The following MROH2B variants were observed in gnomAD, a reference collection of about 807,000 sequenced individuals.
MROH2B encodes maestro heat like repeat family member 2B.
Under a neutral mutation model 208.6 loss-of-function variants are expected in MROH2B, and 177 were observed. That is an observed-to-expected ratio of 0.85 (90% confidence interval 0.75 to 0.96). The LOEUF (loss-of-function observed/expected upper bound fraction) is 0.96, where lower values mean the gene tolerates loss of function less well. Ranked by LOEUF, MROH2B falls within the 40% of genes least tolerant of loss-of-function variation. The pLI, the probability that MROH2B is intolerant of heterozygous loss-of-function variation, is 0.00. For missense variants in MROH2B, 2,002 were observed against 1,878.7 expected, an observed-to-expected ratio of 1.07 and a Z score of -1.21; for synonymous variants, 728 against 659.0, an observed-to-expected ratio of 1.10 and a Z score of -1.60.
Position 41,055,772 on chromosome 5 carries a change from T to A in MROH2B, c.1003A>T (p.Thr335Ser), listed in dbSNP as rs763656817. Residue 335 changes from threonine to serine, a missense_variant, in exon 10 of 42, where the codon ACT (threonine) becomes TCT (serine). Transcript: ENST00000399564. ...NNEAIRVGIL[T>S]LLRLAVNADE... ...GCATTGACAGCCAATCTTAACAAAG[T>A]CAAGATTCCCACTCGAATGGCTTCA... 2 of 1,613,800 alleles carry A rather than the reference T, an allele frequency of 1.2e-6. No individual in the cohort carries two copies. The highest frequency in any genetic ancestry group is 3.3e-5 in the Admixed American group (2 of 60,028).
chr5:41,062,385 G>A (rs1236666715), intron 5 of MROH2B, among the ~76,000 whole-genome samples: 1 of 152,164 alleles, frequency 6.6e-6, no homozygotes, highest in African/African-American at 2.4e-5. Context: ...GGGGCTTCTG[G>A]GCTCTGACAA....
intron 18 of MROH2B, among the ~76,000 whole-genome samples, chr5:41,043,524 TTA>T (rs1743017649): frequency 6.6e-6 from 1 of 152,224 alleles, no homozygotes; most frequent in African/African-American, 2.4e-5. Flanking sequence ...AATGTTAGTC[TTA>T]GTGCCTCCCA....
At position 41,023,827 on chromosome 5, in the gene MROH2B, C is replaced by T. The variant is rs551216485; in HGVS notation, c.2442-4809G>A. Among the ~76,000 whole-genome samples, 14 of 152,290 alleles carry T rather than the reference C, an allele frequency of 9.2e-5. No individual in the cohort carries two copies. In the South Asian group the frequency reaches 1.4e-3, roughly 16 times the overall value. ...AAAGGGAAGCCCATCAGACTAACAG[C>T]GGATCTCTCCACAGAAACTCTACAA... On this transcript the variant is annotated intron_variant, in intron 24 of 41. Transcript: ENST00000399564.
intron 6 of MROH2B, among the ~76,000 whole-genome samples, chr5:41,058,771 G>C (rs1032144589): frequency 6.6e-6 from 1 of 152,016 alleles, no homozygotes; most frequent in Non-Finnish European, 1.5e-5. Flanking sequence ...CTTCAAGCTG[G>C]CAGGATGGCT....
chr5:41,041,563 G>A (rs1415777364), intron 19 of MROH2B, among the ~76,000 whole-genome samples: 1 of 152,180 alleles, frequency 6.6e-6, no homozygotes, highest in East Asian at 1.9e-4. Context: ...GGCAGAGTTT[G>A]CAGTGAACCA....
chr5:41,043,228 G>A (rs1743009167), intron 18 of MROH2B, among the ~76,000 whole-genome samples: 1 of 152,186 alleles, frequency 6.6e-6, no homozygotes, highest in Admixed American at 6.5e-5. Flanking sequence ...AAAAAGAGGT[G>A]GAGCAGTTGC....
chr5:41,068,204 AT>A (rs1743870988), intron 2 of MROH2B, among the ~76,000 whole-genome samples: 1 of 152,172 alleles, frequency 6.6e-6, no homozygotes, highest in African/African-American at 2.4e-5. Context: ...CATCCTTTGC[AT>A]TACTCCTCAG....
chr5:41,005,413 A>AGCACCT lies in MROH2B; in HGVS notation c.3864+117_3864+118insAGGTGC, dbSNP rs35848875. On this transcript the variant is annotated intron_variant, in intron 35 of 41. Transcript: ENST00000399564. Reference sequence around the variant, plus strand: ...CAGTAGCTGGTCTCTCCTCTATGAAACCCCCCCCCCCCTTGAAGTCTCTCT... The same window carrying AGCACCT: ...CAGTAGCTGGTCTCTCCTCTATGAAAGCACCTCCCCCCCCCCCCTTGAAGTCTCTCT... 1.5e-5 allele frequency: 3 copies of AGCACCT among 204,604 alleles called. 1 individual carries two copies. Among genetic ancestry groups the AGCACCT allele is most frequent in the Non-Finnish European group, 3.0e-5 (3 of 101,540 alleles). The allele number at this position is 204,604 out of a possible 1,614,324, so 12.7% of individuals were successfully genotyped here. A position where few individuals can be genotyped will look rare whatever the true frequency, so the allele number is the denominator to read the frequency against.
At position 41,047,738 on chromosome 5, in the gene MROH2B, C is replaced by A; in HGVS notation, c.1711G>T (p.Glu571Ter). 6.3e-7 allele frequency: 1 copy of A among 1,595,482 alleles called. No homozygotes were observed. Among genetic ancestry groups the A allele is most frequent in the Non-Finnish European group, 8.5e-7 (1 of 1,170,140 alleles). The change falls in exon 17 of 42, where the codon GAA (glutamate) becomes TAA (stop). Residue 571 changes from glutamate (E) to a stop codon, truncating the protein, a stop_gained. Transcript: ENST00000399564. LOFTEE classifies it high-confidence loss of function. Reference sequence around the variant, plus strand: ...AGCCTTACCTGAAGCAGCATGGTTTCCCATAGAACGGTACTGATGTTCTTT... The same window carrying A: ...AGCCTTACCTGAAGCAGCATGGTTTACCATAGAACGGTACTGATGTTCTTT... ...EGKNISTVLW[E>*]TMLLQLLKES...
chr5:41,012,385 G>C (rs1243690240), intron 30 of MROH2B, among the ~76,000 whole-genome samples, 198 bp downstream of exon 30: 1 of 152,196 alleles, frequency 6.6e-6, no homozygotes, highest in Non-Finnish European at 1.5e-5. Flanking sequence ...TATATTAAAA[G>C]ACAAGAGAGG....
intron 3 of MROH2B, among the ~76,000 whole-genome samples, chr5:41,065,908 G>A (rs1028876029): frequency 2.0e-5 from 3 of 152,176 alleles, no homozygotes; most frequent in Non-Finnish European, 4.4e-5. Context: ...GGGACGAAGG[G>A]AGAACAGGCT....
At chr5:40,999,093 G>C (rs1002486521) in intron 40 of MROH2B, among the ~76,000 whole-genome samples, 1 of 152,214 alleles carries the variant, frequency 6.6e-6, no homozygotes, top group African/African-American at 2.4e-5. Flanking sequence ...TCTGTGGGCT[G>C]AATTAGTTGG....
chr5:41,036,202 A>C (rs1408994289), intron 21 of MROH2B, among the ~76,000 whole-genome samples: 1 of 151,916 alleles, frequency 6.6e-6, no homozygotes, highest in African/African-American at 2.4e-5. Context: ...CCCAAATCTC[A>C]ACTTGAATTC....
intron 30 of MROH2B, among the ~76,000 whole-genome samples, chr5:41,010,491 C>G (rs968551273): frequency 6.6e-6 from 1 of 152,130 alleles, no homozygotes; most frequent in South Asian, 2.1e-4. Flanking sequence ...GGAACTGAGT[C>G]ACATTGGAGG....
At chr5:41,041,309 T>C (rs1742939578) in intron 19 of MROH2B, among the ~76,000 whole-genome samples, 1 of 152,130 alleles carries the variant, frequency 6.6e-6, no homozygotes, top group African/African-American at 2.4e-5. Context: ...CTATTTTTTG[T>C]TGGTTTATTT....
At position 41,020,566 on chromosome 5, in the gene MROH2B, C is replaced by T. The variant is rs916435237; in HGVS notation, c.2442-1548G>A. On this transcript the variant is annotated intron_variant, in intron 24 of 41. Transcript: ENST00000399564. ...ATCATTGCTCTTTTACAACCTAGTT[C>T]ACTGACTGATATGACATAGATGCCA... 3.3e-5 allele frequency among the ~76,000 whole-genome samples: 5 copies of T among 152,182 alleles called. 1 individual carries two copies. The highest frequency in any genetic ancestry group is 1.2e-4 in the African/African-American group (5 of 41,446).
chr5:41,026,097 C>G (rs1401665809), intron 24 of MROH2B, among the ~76,000 whole-genome samples: 1 of 152,056 alleles, frequency 6.6e-6, no homozygotes, highest in Non-Finnish European at 1.5e-5. Flanking sequence ...TGAGCAAAAA[C>G]TGGAAGCATT....
At chr5:41,002,860 G>A (rs1196826401) in intron 37 of MROH2B, among the ~76,000 whole-genome samples, 1 of 152,002 alleles carries the variant, frequency 6.6e-6, no homozygotes, top group African/African-American at 2.4e-5. Context: ...AACAGCTGGG[G>A]TTCTGAAGGG....
intron 34 of MROH2B, among the ~76,000 whole-genome samples, chr5:41,006,813 A>G (rs116153857): frequency 0.041 from 6,233 of 152,060 alleles, 124 homozygotes; most frequent in African/African-American, 0.061. Context: ...AGAATGATAC[A>G]TTGGACTTTG....
Sources: allele counts gnomAD v4.1 joint callset (sites outside exome capture counted in the v4.1 genomes callset), GRCh38; gene constraint gnomAD v4.1.1; transcripts MANE v1.5; gene names NCBI Gene and HGNC (gene_info 2026-07-23, HGNC 2026-07-21).